Variants in NRXN2 observed in about 807,000 individuals in gnomAD.
NRXN2 encodes neurexin-2-beta.
Under a neutral mutation model 128.8 loss-of-function variants are expected in NRXN2, and 29 were observed. The observed-to-expected ratio is 0.23, with a 90% CI of 0.17 to 0.31. NRXN2 has a LOEUF of 0.31. NRXN2 is among the 10% of genes least tolerant of loss of function. The pLI, the probability that NRXN2 is intolerant of heterozygous loss-of-function variation, is 1.00. For synonymous variants in NRXN2, 1,098 were observed against 1,075.2 expected (o/e 1.02, Z -0.41); for missense variants, 1,881 against 2,452.6 (o/e 0.77, Z 4.92).
intron 3 of NRXN2, among the ~76,000 whole-genome samples, chr11:64,697,253 T>C (rs923173227): frequency 3.3e-5 from 5 of 152,040 alleles, no homozygotes; most frequent in African/African-American, 1.2e-4. Context: ...GCTCCCACTA[T>C]ACACCTCCAA....
At chr11:64,625,103 G>A (rs1481930189) in intron 20 of NRXN2, among the ~76,000 whole-genome samples, 4 of 152,174 alleles carry the variant, frequency 2.6e-5, no homozygotes, top group Admixed American at 6.5e-5. Flanking sequence ...TTCTAGAAGA[G>A]GAAAGTCAGA....
intron 12 of NRXN2, among the ~76,000 whole-genome samples, chr11:64,652,488 C>T (rs1169872954): frequency 6.6e-6 from 1 of 152,080 alleles, no homozygotes; most frequent in Non-Finnish European, 1.5e-5. Context: ...ACCCTGAGGC[C>T]CTGCACACAG....
intron 5 of NRXN2, chr11:64,688,798 G>A (rs2135576294): frequency 2.0e-6 from 2 of 985,300 alleles, no homozygotes; most frequent in Non-Finnish European, 2.4e-6. Context: ...CATGCATGAG[G>A]GACAAAGCAG....
intron 7 of NRXN2, chr11:64,676,546 G>GT (rs1469604444): frequency 5.1e-6 from 1 of 197,926 alleles, no homozygotes; most frequent in Admixed American, 5.5e-5. Context: ...TCATGGGATG[G>GT]TGTTTTCCAT....
At chr11:64,676,967 G>C (rs749850737) in intron 7 of NRXN2, 26 bp downstream of exon 7, 28 of 1,607,098 alleles carry the variant, frequency 1.7e-5, no homozygotes, top group Non-Finnish European at 2.2e-5. Context: ...CAAACCAAAC[G>C]GTAAGACAAT....
intron 9 of NRXN2, among the ~76,000 whole-genome samples, chr11:64,662,028 G>A (rs2049097940): frequency 6.6e-6 from 1 of 151,764 alleles, no homozygotes. Flanking sequence ...CGAGGCGGAT[G>A]GATCACTTGA....
chr11:64,667,190 T>A lies in NRXN2; in HGVS notation c.1798+60A>T. The A allele has an allele frequency of 3.2e-6, 5 of 1,545,580 alleles. No homozygotes were observed. Among genetic ancestry groups the A allele is most frequent in the Non-Finnish European group, 4.5e-6 (5 of 1,119,824 alleles). On this transcript the variant is annotated intron_variant, in intron 9 of 22. Coordinates refer to ENST00000265459, the MANE Select transcript of NRXN2 (RefSeq NM_015080.4). The surrounding 1 kb of genome is among the most constrained non-coding windows in gnomAD (Gnocchi z 5.6). ...ACCCGCTGAAGAGAGACGGAGAGGA[T>A]GTCAGGGCAGATGGAAAGGGGTGGC...
At position 64,651,647 on chromosome 11, in the gene NRXN2, CAGG is replaced by C; in HGVS notation, c.2537-14_2537-12del. ...CTCCTGCCATCTGTCCTGCTCAGGA[CAGG>C]AGACCAAGATGAGGGGGATGGCTTT... On this transcript the variant is annotated splice_polypyrimidine_tract_variant and intron_variant, in intron 13 of 22. Transcript: ENST00000265459. This position sits in a 1 kb window ranked among gnomAD's most constrained non-coding sequence, Gnocchi z 5.9. 6.2e-7 allele frequency: 1 copy of C among 1,613,182 alleles called. No individual in the cohort carries two copies. The highest frequency in any genetic ancestry group is 8.5e-7 in the Non-Finnish European group (1 of 1,179,604).
intron 2 of NRXN2, among the ~76,000 whole-genome samples, chr11:64,702,572 T>C (rs2055635029): frequency 6.6e-6 from 1 of 152,088 alleles, no homozygotes; most frequent in Non-Finnish European, 1.5e-5. Flanking sequence ...CGGTGCAAGA[T>C]GTGCTTTGTT....
rs530901431 is a variant in NRXN2, at chr11:64,685,549, C to A, written c.1152+97G>T. 4.8e-5 allele frequency: 73 copies of A among 1,512,606 alleles called. No individual in the cohort carries two copies. The African/African-American group carries it at 9.4e-4, about 20-fold the overall frequency. 93.7% of individuals were successfully genotyped at this position (1,512,606 alleles called of 1,614,324 possible). A position where few individuals can be genotyped will look rare whatever the true frequency, so the allele number is the denominator to read the frequency against. Reference sequence around the variant, plus strand: ...CAGAACCACACCTCACTGCCCAGCCCTGATCCCTCCACCACAAGCTCCCGG... The same window carrying A: ...CAGAACCACACCTCACTGCCCAGCCATGATCCCTCCACCACAAGCTCCCGG... On this transcript the variant is annotated intron_variant, in intron 6 of 22. Transcript: ENST00000265459.
In NRXN2 at chr11:64,687,333, G is replaced by A. The variant is rs866248047; in HGVS notation, c.851-1386C>T. Among the ~76,000 whole-genome samples the A allele has an allele frequency of 3.9e-5, 6 of 152,178 alleles. No homozygotes were observed. The South Asian group carries it at 1.2e-3, about 32-fold the overall frequency. On this transcript the variant is annotated intron_variant, in intron 5 of 22. Transcript: ENST00000265459. ...GGTGGCGGGGGGGGAGTTTCGGAGT[G>A]CAGATTCTGCAGATCCCCTCCCCTC...
At chr11:64,639,512 G>A (rs1159967440) in intron 17 of NRXN2, among the ~76,000 whole-genome samples, 1 of 152,096 alleles carries the variant, frequency 6.6e-6, no homozygotes. Context: ...GGGGTGGGAG[G>A]AACCTCAAGG....
chr11:64,702,904 A>G (rs941833381), intron 2 of NRXN2, among the ~76,000 whole-genome samples: 2 of 149,306 alleles, frequency 1.3e-5, no homozygotes, highest in Non-Finnish European at 3.0e-5. Context: ...ATAGAGGATC[A>G]TTTGAGCCCA....
intron 17 of NRXN2, chr11:64,637,481 T>G (rs568059045): frequency 6.6e-6 from 1 of 152,466 alleles, no homozygotes; most frequent in South Asian, 2.1e-4. Context: ...CTCCCAGCAC[T>G]GCAGCACTCT....
intron 6 of NRXN2, among the ~76,000 whole-genome samples, chr11:64,681,732 G>A (rs1276387089): frequency 6.6e-6 from 1 of 152,180 alleles, no homozygotes; most frequent in Non-Finnish European, 1.5e-5. Flanking sequence ...CTCAGATCTA[G>A]GATATCACCA....
At position 64,623,020 on chromosome 11, in the gene NRXN2, C is replaced by T. The variant is rs773563828; in HGVS notation, c.3906G>A (p.Gln1302=). ...QAAIKIGGRD[Q]GRPFQGQVSG... ...ACACCTGGCCCTGGAAGGGGCGGCC[C>T]TGATCCCGGCCCCCGATCTTGATGG... The change falls in exon 21 of 23, where the codon CAG becomes CAA. Residue 1302 remains glutamine, a synonymous_variant. Transcript: ENST00000265459. This position sits in a 1 kb window ranked among gnomAD's most constrained non-coding sequence, Gnocchi z 4.9. The T allele has an allele frequency of 1.2e-5, 19 of 1,612,158 alleles. No individual in the cohort carries two copies. Among genetic ancestry groups the T allele is most frequent in the Non-Finnish European group, 1.5e-5 (18 of 1,179,590 alleles).
rs960311904 is a variant in NRXN2 at position 64,660,026 on chromosome 11, G to C, written c.2389+306C>G. 6.6e-6 allele frequency among the ~76,000 whole-genome samples: 1 copy of C among 152,240 alleles called. No homozygotes were observed. The highest frequency in any genetic ancestry group is 1.9e-4 in the East Asian group (1 of 5,200). ...TGACCAAAAATGAGCTGTGTCATCT[G>C]TGTGTGTGCAGGACAGATGCTACCA... On this transcript the variant is annotated intron_variant, in intron 11 of 22. Coordinates refer to ENST00000265459, the MANE Select transcript of NRXN2 (RefSeq NM_015080.4). This position sits in a 1 kb window ranked among gnomAD's most constrained non-coding sequence, Gnocchi z 5.2.
chr11:64,709,872 C>A (rs2056721466), intron 2 of NRXN2, among the ~76,000 whole-genome samples: 1 of 151,454 alleles, frequency 6.6e-6, no homozygotes, highest in South Asian at 2.1e-4. Flanking sequence ...TACCAGCTGG[C>A]GCCCGCCTTA....
chr11:64,620,134 G>C (rs529859756), intron 22 of NRXN2, among the ~76,000 whole-genome samples, 160 bp downstream of exon 22: 7 of 152,346 alleles, frequency 4.6e-5, no homozygotes, highest in African/African-American at 1.7e-4. Flanking sequence ...CCAGAGAGCA[G>C]CTGAGGGACT....
Sources: gnomAD v4.1 joint callset for allele counts (sites outside exome capture counted in the v4.1 genomes callset) on GRCh38, gnomAD v4.1.1 for gene constraint, Gnocchi (gnomAD v3.1) non-coding constraint, MANE v1.5 for transcripts, NCBI Gene and HGNC (gene_info 2026-07-23, HGNC 2026-07-21) for gene names.